The following ADGRG6 variants were observed in gnomAD, a reference collection of about 807,000 sequenced individuals.
ADGRG6 encodes adhesion G protein-coupled receptor G6.
In ADGRG6, 84 loss-of-function variants were observed where a neutral mutation model predicts 142.4. That is an observed-to-expected ratio of 0.59 (90% CI 0.49 to 0.71). The LOEUF is 0.71. ADGRG6 is among the 30% of genes least tolerant of loss of function. The pLI, the probability that ADGRG6 is intolerant of heterozygous loss-of-function variation, is 0.00. For synonymous variants in ADGRG6, 521 were observed against 520.5 expected (o/e 1.00, Z -0.01); for missense variants, 1,367 against 1,466.6 (o/e 0.93, Z 1.11).
intron 2 of ADGRG6, among the ~76,000 whole-genome samples, chr6:142,365,515 A>G (rs1780905532): frequency 6.6e-6 from 1 of 152,222 alleles, no homozygotes; most frequent in Non-Finnish European, 1.5e-5. Context: ...GATTTACAAT[A>G]AGAAAATCAT....
At chr6:142,355,907 A>G (rs2114797901) in intron 2 of ADGRG6, among the ~76,000 whole-genome samples, 1 of 152,340 alleles carries the variant, frequency 6.6e-6, no homozygotes. Context: ...GAACTTCGTG[A>G]ACTTTTTCAA....
intron 16 of ADGRG6, among the ~76,000 whole-genome samples, chr6:142,409,037 T>C (rs1775954907): frequency 1.3e-5 from 2 of 152,196 alleles, no homozygotes; most frequent in South Asian, 2.1e-4. Context: ...ACATACATAA[T>C]ATAAATGTAT....
In ADGRG6 at chr6:142,370,428, A is replaced by G; in HGVS notation, c.704A>G (p.Asn235Ser). 6.2e-7 allele frequency: 1 copy of G among 1,613,782 alleles called. No homozygotes were observed. The highest frequency in any genetic ancestry group is 8.5e-7 in the Non-Finnish European group (1 of 1,179,724). The change falls in exon 4 of 25, where the codon AAT (asparagine) becomes AGT (serine). Residue 235 changes from asparagine to serine, a missense_variant. This residue lies in a region of ADGRG6 where 737 missense variants were observed against 746.5 expected (regional missense o/e 0.99). Transcript: ENST00000367609. ...TCTGATTCAAAATGTTTGTTGAATA[A>G]TGCATTACCTGTCAAAGAAAAAGAA... Reference protein sequence around the residue: ...SISDSKCLLNNALPVKEKEDI... With the variant: ...SISDSKCLLNSALPVKEKEDI...
chr6:142,357,508 G>T (rs998484675), intron 2 of ADGRG6, among the ~76,000 whole-genome samples: 1 of 152,108 alleles, frequency 6.6e-6, no homozygotes, highest in African/African-American at 2.4e-5. Flanking sequence ...CCATAAAGGG[G>T]AAAAATTATG....
intron 2 of ADGRG6, among the ~76,000 whole-genome samples, chr6:142,335,900 C>T (rs1042847182): frequency 1.3e-5 from 2 of 151,898 alleles, no homozygotes; most frequent in African/African-American, 4.8e-5. Context: ...CTTTGGGAGC[C>T]CCTGTAGTAA....
intron 16 of ADGRG6, 142 bp from the exon 17 acceptor site, chr6:142,409,732 A>G: frequency 2.0e-6 from 1 of 491,630 alleles, no homozygotes; most frequent in Non-Finnish European, 3.7e-6. Context: ...ATCCCCCTAA[A>G]TTGCCTACAT....
chr6:142,397,205 CA>C (rs1302547398), intron 9 of ADGRG6, among the ~76,000 whole-genome samples: 2 of 151,494 alleles, frequency 1.3e-5, no homozygotes, highest in African/African-American at 4.9e-5. Context: ...ATGGTAATTT[CA>C]AAAGATAAAT....
At chr6:142,363,335 T>TAA (rs556266338) in intron 2 of ADGRG6, among the ~76,000 whole-genome samples, 3 of 148,814 alleles carry the variant, frequency 2.0e-5, no homozygotes, top group African/African-American at 4.9e-5. Flanking sequence ...AATCTGAGAT[T>TAA]AAAAAAAAAA....
chr6:142,429,768 C>T (rs1777123018), intron 22 of ADGRG6, among the ~76,000 whole-genome samples: 1 of 152,176 alleles, frequency 6.6e-6, no homozygotes, highest in African/African-American at 2.4e-5. Flanking sequence ...AACTCCAGAA[C>T]TGATCAGGTG....
chr6:142,379,041 G>A (rs1291528549), intron 4 of ADGRG6, among the ~76,000 whole-genome samples: 1 of 152,072 alleles, frequency 6.6e-6, no homozygotes, highest in African/African-American at 2.4e-5. Flanking sequence ...CTTCTGATGA[G>A]TATTTCCTGG....
chr6:142,399,687 G>C (rs1286397512), intron 10 of ADGRG6, among the ~76,000 whole-genome samples: 2 of 152,104 alleles, frequency 1.3e-5, no homozygotes, highest in Non-Finnish European at 2.9e-5. Context: ...AAAAATAAAA[G>C]GCTAAAACCT....
At chr6:142,422,168 T>C (rs985971088) in intron 22 of ADGRG6, among the ~76,000 whole-genome samples, 1 of 151,806 alleles carries the variant, frequency 6.6e-6, no homozygotes, top group Non-Finnish European at 1.5e-5. Context: ...TTTTTCTCTT[T>C]TTTTTTTTAT....
intron 21 of ADGRG6, among the ~76,000 whole-genome samples, chr6:142,418,938 C>G (rs1298705647): frequency 2.0e-5 from 3 of 152,030 alleles, no homozygotes; most frequent in Non-Finnish European, 4.4e-5. Flanking sequence ...TTTAAAATTT[C>G]TTTAATCTAC....
At chr6:142,388,242 A>G (rs746907330) in intron 6 of ADGRG6, among the ~76,000 whole-genome samples, 5 of 152,212 alleles carry the variant, frequency 3.3e-5, no homozygotes, top group Non-Finnish European at 7.4e-5. Flanking sequence ...ATTTTAAATA[A>G]GTATAACAAG....
chr6:142,446,008 T>C lies in ADGRG6; in HGVS notation c.*2493T>C, dbSNP rs1487468981. ...ATTTATTTGTGTTTATATATGTCAA[T>C]TGGTTTCCTTTCTTAGCTTGATATT... On this transcript the variant is annotated 3_prime_UTR_variant, in exon 25 of 25. Coordinates refer to ENST00000367609, the MANE Select transcript of ADGRG6 (RefSeq NM_198569.3). 2 of 152,604 alleles carry C rather than the reference T, an allele frequency of 1.3e-5. No homozygotes were observed. The highest frequency in any genetic ancestry group is 1.3e-4 in the Admixed American group (2 of 15,274). The allele number at this position is 152,604 out of a possible 1,614,324, so 9.5% of individuals were successfully genotyped here. A position where few individuals can be genotyped will look rare whatever the true frequency, so the allele number is the denominator to read the frequency against.
chr6:142,413,899 T>TCTCTCACA (rs200677950), intron 18 of ADGRG6, among the ~76,000 whole-genome samples: 1 of 141,394 alleles, frequency 7.1e-6, no homozygotes, highest in East Asian at 2.1e-4. Flanking sequence ...CATTTCTTTA[T>TCTCTCACA]CACACACACA....
rs1562379093 is a variant in ADGRG6, at chr6:142,415,882, G to T, written c.2756G>T (p.Gly919Val). Residue 919 changes from glycine (G) to valine (V), a missense_variant, in exon 20 of 25, where the codon GGC (glycine) becomes GTC (valine). By Grantham distance (109) the Gly-to-Val change is moderately radical. This residue lies in a region of ADGRG6 where 286 missense variants were observed against 371.4 expected (regional missense o/e 0.77). Transcript: ENST00000367609. ...CTGAATCTCCTCTTCCTCCTAGATG[G>T]CTGGATCACCTCCTTCAATGTGGAT... ...LFLNLLFLLD[G>V]WITSFNVDGL... 8 of 1,613,078 alleles carry T rather than the reference G, an allele frequency of 5.0e-6. No homozygotes were observed. Among genetic ancestry groups the T allele is most frequent in the Non-Finnish European group, 5.9e-6 (7 of 1,179,234 alleles).
chr6:142,357,585 C>T lies in ADGRG6; in HGVS notation c.104-9984C>T, dbSNP rs79130337. Among the ~76,000 whole-genome samples, 787 of 152,262 alleles carry T rather than the reference C, an allele frequency of 5.2e-3. 2 individuals carry two copies. The highest frequency in any genetic ancestry group is 7.7e-3 in the Non-Finnish European group (521 of 68,012). On this transcript the variant is annotated intron_variant, in intron 2 of 24. Coordinates refer to ENST00000367609, the MANE Select transcript of ADGRG6 (RefSeq NM_198569.3). ...TTTAAACTGCTTCCATTTATGTGCA[C>T]AAACCTGAATGAGTTTTTTTTATGC...
At chr6:142,408,045 AG>A (rs1392777637) in intron 15 of ADGRG6, 104 bp from the exon 16 acceptor site, 4 of 715,354 alleles carry the variant, frequency 5.6e-6, no homozygotes, top group Non-Finnish European at 9.0e-6. Flanking sequence ...CTAGAACTGA[AG>A]ATCTTAAGTG....
Sources: allele counts gnomAD v4.1 joint callset (sites outside exome capture counted in the v4.1 genomes callset), GRCh38; gene constraint gnomAD v4.1.1; regional missense constraint gnomAD v4.1.1; transcripts MANE v1.5; gene names NCBI Gene and HGNC (gene_info 2026-07-23, HGNC 2026-07-21).